Variants in GNAL observed in about 807,000 individuals in gnomAD.
GNAL encodes G protein subunit alpha L, also known as guanine nucleotide-binding protein G(olf) subunit alpha.
A neutral mutation model predicts 55.1 loss-of-function variants in GNAL; 18 were observed. The ratio of observed to expected loss-of-function variants is 0.33; its 90% CI spans 0.23 to 0.48. GNAL has a LOEUF of 0.48. Ranked by LOEUF, GNAL falls within the 20% of genes least tolerant of loss-of-function variation. The pLI is 0.99. For synonymous variants in GNAL, 253 were observed against 237.0 expected (o/e 1.07, Z -0.62); for missense variants, 412 against 614.1 (o/e 0.67, Z 3.48).
Position 11,754,017 on chromosome 18 carries a change from A to C in GNAL, c.624+72A>C, listed in dbSNP as rs2032951307. 4.5e-6 allele frequency: 5 copies of C among 1,111,056 alleles called. No individual in the cohort carries two copies. The African/African-American group carries it at 6.2e-5, about 14-fold the overall frequency. The allele number at this position is 1,111,056 out of a possible 1,614,324, so 68.8% of individuals were successfully genotyped here. A position where few individuals can be genotyped will look rare whatever the true frequency, so the allele number is the denominator to read the frequency against. ...ATTTTTAATAAGGTTTCTTATTGAG[A>C]ATCAATATTGATACTAATTCATTAT... On this transcript the variant is annotated intron_variant, in intron 4 of 11. Coordinates refer to ENST00000334049, the MANE Select transcript of GNAL (RefSeq NM_182978.4).
intron 4 of GNAL, among the ~76,000 whole-genome samples, chr18:11,774,433 A>G (rs1342606016): frequency 1.3e-5 from 2 of 152,272 alleles, no homozygotes; most frequent in African/African-American, 2.4e-5. Context: ...ATGAGCGCCC[A>G]TCTAAAAGAG....
In GNAL at chr18:11,751,335, C is replaced by G. The variant is rs778391038; in HGVS notation, c.377-1518C>G. On this transcript the variant is annotated intron_variant, in intron 1 of 11. Transcript: ENST00000334049. This position sits in a 1 kb window ranked among gnomAD's most constrained non-coding sequence, Gnocchi z 4.5. ...CAGTCTCGCGCCCTAGTTCGTTCCT[C>G]TGCTACAACGCCAAGTTCGAGGCCA... is the stretch of plus-strand genomic sequence containing the variant. The G allele has an allele frequency of 1.6e-5, 3 of 191,380 alleles. No homozygotes were observed. The highest frequency in any genetic ancestry group is 1.9e-5 in the Non-Finnish European group (2 of 103,976). The allele number at this position is 191,380 out of a possible 1,614,324, so 11.9% of individuals were successfully genotyped here. A position where few individuals can be genotyped will look rare whatever the true frequency, so the allele number is the denominator to read the frequency against.
chr18:11,724,998 T>C (rs1178365972), intron 1 of GNAL, among the ~76,000 whole-genome samples: 1 of 152,176 alleles, frequency 6.6e-6, no homozygotes, highest in Non-Finnish European at 1.5e-5. Context: ...TGCTGGGTCA[T>C]ATGGCCCGAA....
intron 11 of GNAL, among the ~76,000 whole-genome samples, chr18:11,879,704 T>TC (rs2143935191): frequency 6.6e-6 from 1 of 152,298 alleles, no homozygotes; most frequent in South Asian, 2.1e-4. Flanking sequence ...TAACAGCCTG[T>TC]CCCCACACCC....
chr18:11,770,857 CT>C (rs1039735627), intron 4 of GNAL, among the ~76,000 whole-genome samples: 39 of 152,012 alleles, frequency 2.6e-4, no homozygotes, highest in Admixed American at 1.1e-3. Context: ...TATATGTTTA[CT>C]TTTTTTCTTA....
At chr18:11,804,977 T>C (rs11873905) in intron 4 of GNAL, among the ~76,000 whole-genome samples, 72,576 of 88,218 alleles carry the variant, frequency 0.82, 29,297 homozygotes, top group East Asian at 0.86. Context: ...GAGTGGAACA[T>C]GGAGATACTG....
chr18:11,840,928 C>T (rs1380282102), intron 5 of GNAL, among the ~76,000 whole-genome samples: 1 of 147,146 alleles, frequency 6.8e-6, no homozygotes, highest in Non-Finnish European at 1.5e-5. Context: ...AGACTGGAGT[C>T]AGTGCTACGA....
At chr18:11,870,614 T>G (rs1264263690) in intron 9 of GNAL, among the ~76,000 whole-genome samples, 1 of 152,186 alleles carries the variant, frequency 6.6e-6, no homozygotes, top group East Asian at 1.9e-4. Flanking sequence ...TAAGATCCCT[T>G]ACAGCTCACA....
chr18:11,801,564 G>A (rs1217729120), intron 4 of GNAL, among the ~76,000 whole-genome samples: 1 of 152,164 alleles, frequency 6.6e-6, no homozygotes, highest in Non-Finnish European at 1.5e-5. Flanking sequence ...GGCCCTAGCT[G>A]ACCTACACTG....
chr18:11,869,617 C>G (rs2036347878), intron 9 of GNAL, among the ~76,000 whole-genome samples: 1 of 151,996 alleles, frequency 6.6e-6, no homozygotes. Context: ...AGCAGTACAA[C>G]AACAAAAAAT....
At chr18:11,707,906 G>C (rs1470072025) in intron 1 of GNAL, among the ~76,000 whole-genome samples, 1 of 152,224 alleles carries the variant, frequency 6.6e-6, no homozygotes, top group East Asian at 1.9e-4. Context: ...CTAGCTTCCA[G>C]CTTTTCTTCT....
At chr18:11,727,980 A>C (rs994318622) in intron 1 of GNAL, among the ~76,000 whole-genome samples, 2 of 152,120 alleles carry the variant, frequency 1.3e-5, no homozygotes, top group Non-Finnish European at 2.9e-5. Flanking sequence ...TAACCCCAAC[A>C]ATCTGGGATG....
At position 11,884,466 on chromosome 18, in the gene GNAL, G is replaced by T. The variant is rs761546673; in HGVS notation, c.*3331G>T. ...CTCTTCATCTTGTCTTACGCTTTCC[G>T]AGCAAGTTCAAACCAGAAAGAAAAG... On this transcript the variant is annotated 3_prime_UTR_variant, in exon 12 of 12. Coordinates refer to ENST00000334049, the MANE Select transcript of GNAL (RefSeq NM_182978.4). 5 of 1,613,962 alleles carry T rather than the reference G, an allele frequency of 3.1e-6. No homozygotes were observed. The highest frequency in any genetic ancestry group is 4.2e-6 in the Non-Finnish European group (5 of 1,179,992).
intron 1 of GNAL, among the ~76,000 whole-genome samples, chr18:11,716,805 A>T (rs983998120): frequency 6.6e-6 from 1 of 152,184 alleles, no homozygotes; most frequent in Non-Finnish European, 1.5e-5. Flanking sequence ...CAGAGTGCCG[A>T]TTGGTGTATT....
In GNAL at chr18:11,827,488, C is replaced by A. The variant is rs144653214; in HGVS notation, c.722+2473C>A. On this transcript the variant is annotated intron_variant, in intron 5 of 11. Coordinates refer to ENST00000334049, the MANE Select transcript of GNAL (RefSeq NM_182978.4). ...AATTAGCCAGGCATGGTGCTGGACA[C>A]CTGTAATCCCAGCTACTCGGAGGTT... 6.3e-3 allele frequency among the ~76,000 whole-genome samples: 861 copies of A among 137,438 alleles called. 9 individuals are homozygous for A. Among genetic ancestry groups the A allele is most frequent in the Non-Finnish European group, 0.01 (669 of 65,596 alleles). The allele number at this position is 137,438 out of a possible 152,430, so 90.2% of individuals were successfully genotyped here. A position where few individuals can be genotyped will look rare whatever the true frequency, so the allele number is the denominator to read the frequency against.
At chr18:11,872,815 G>C (rs1453043019) in intron 10 of GNAL, among the ~76,000 whole-genome samples, 2 of 152,202 alleles carry the variant, frequency 1.3e-5, no homozygotes, top group Non-Finnish European at 2.9e-5. Flanking sequence ...GTCTGAGAGA[G>C]GAGAGATAGC....
chr18:11,863,835 G>A (rs1372035946), intron 6 of GNAL, among the ~76,000 whole-genome samples: 1 of 152,222 alleles, frequency 6.6e-6, no homozygotes, highest in African/African-American at 2.4e-5. Context: ...TGTGAGTGCA[G>A]AGTTACACTT....
At chr18:11,869,818 A>G (rs2036353150) in intron 9 of GNAL, among the ~76,000 whole-genome samples, 1 of 152,088 alleles carries the variant, frequency 6.6e-6, no homozygotes, top group East Asian at 1.9e-4. Flanking sequence ...CTGAGGCAGG[A>G]GGATCACTTG....
chr18:11,827,979 A>G (rs1208773354), intron 5 of GNAL, among the ~76,000 whole-genome samples: 8 of 151,870 alleles, frequency 5.3e-5, no homozygotes, highest in Non-Finnish European at 1.2e-4. Flanking sequence ...TCAAGGAAAA[A>G]AAAAAAAAAA....
Sources: gnomAD v4.1 joint callset for allele counts (sites outside exome capture counted in the v4.1 genomes callset) on GRCh38, gnomAD v4.1.1 for gene constraint, Gnocchi (gnomAD v3.1) non-coding constraint, MANE v1.5 for transcripts, NCBI Gene and HGNC (gene_info 2026-07-23, HGNC 2026-07-21) for gene names.